The following ARG2 variants were observed in gnomAD, a reference collection of about 807,000 sequenced individuals.
ARG2 encodes arginase 2, also known as arginase-2, mitochondrial.
ARG2 carries 21 observed loss-of-function variants against 39.4 expected under a neutral mutation model. That is an observed-to-expected ratio of 0.53 (90% CI 0.38 to 0.77). The LOEUF is 0.77. ARG2 is among the 30% of genes least tolerant of loss of function. The pLI is 0.00. For missense variants in ARG2, 378 were observed against 426.2 expected (o/e 0.89, Z 1.00); for synonymous variants, 150 against 156.7 (o/e 0.96, Z 0.32).
intron 3 of ARG2, among the ~76,000 whole-genome samples, chr14:67,643,071 G>A (rs1204535027): frequency 6.6e-6 from 1 of 152,140 alleles, no homozygotes; most frequent in East Asian, 1.9e-4. Flanking sequence ...CCAAAGTGCT[G>A]GGATTACAGG....
intron 2 of ARG2, among the ~76,000 whole-genome samples, chr14:67,622,454 C>T (rs887611859): frequency 5.3e-5 from 8 of 152,158 alleles, no homozygotes; most frequent in African/African-American, 1.4e-4. Flanking sequence ...AATATTCGAA[C>T]CTTGTTTATT....
At position 67,621,322 on chromosome 14, in the gene ARG2, C is replaced by T. The variant is rs940460559; in HGVS notation, c.184+356C>T. 5.3e-5 allele frequency among the ~76,000 whole-genome samples: 8 copies of T among 152,118 alleles called. No individual in the cohort carries two copies. In the East Asian group the frequency reaches 5.8e-4, roughly 11 times the overall value. On this transcript the variant is annotated intron_variant, in intron 2 of 7. Transcript: ENST00000261783. ...TGAGATGCTTATGATTTATCAGTCT[C>T]GCCAGTTTTCTGTCTTCAAATTATT...
At chr14:67,648,709 A>G in intron 7 of ARG2, 1 of 152,282 alleles carries the variant, frequency 6.6e-6, no homozygotes, top group East Asian at 1.9e-4. Flanking sequence ...GCTGATGGAA[A>G]GAGTACTAAG....
In ARG2 at chr14:67,651,448, G is replaced by GATA; in HGVS notation, c.*531_*533dup. On this transcript the variant is annotated 3_prime_UTR_variant, in exon 8 of 8. Coordinates refer to ENST00000261783, the MANE Select transcript of ARG2 (RefSeq NM_001172.4). ...CCAGGATGGCGAGCTCCAGTAAGAT[G>GATA]ATAATGGAAAGCAGCAGCTTGTTGG... 1.2e-6 allele frequency: 2 copies of GATA among 1,613,958 alleles called. No individual in the cohort carries two copies. The highest frequency in any genetic ancestry group is 4.5e-5 in the East Asian group (2 of 44,882).
chr14:67,632,706 T>G (rs757363437), intron 2 of ARG2, among the ~76,000 whole-genome samples: 2 of 151,784 alleles, frequency 1.3e-5, no homozygotes, highest in Non-Finnish European at 2.9e-5. Context: ...TTAGTCATTA[T>G]GAAGATTCAC....
At chr14:67,646,028 C>T (rs548805126) in intron 4 of ARG2, among the ~76,000 whole-genome samples, 19 of 152,292 alleles carry the variant, frequency 1.2e-4, no homozygotes, top group South Asian at 6.2e-4. Flanking sequence ...GTAACAATAG[C>T]GACTGATATA....
At chr14:67,636,496 T>C (rs943041578) in intron 2 of ARG2, among the ~76,000 whole-genome samples, 11 of 152,214 alleles carry the variant, frequency 7.2e-5, no homozygotes. Flanking sequence ...TTATTATCCA[T>C]TTCCTGTCTC....
intron 7 of ARG2, chr14:67,648,904 G>A (rs1371428456): frequency 6.6e-6 from 1 of 152,184 alleles, no homozygotes; most frequent in African/African-American, 2.4e-5. Context: ...GGTATAGATA[G>A]AGACCCCAGA....
intron 7 of ARG2, chr14:67,650,267 T>C: frequency 4.7e-6 from 1 of 214,822 alleles, no homozygotes; most frequent in Middle Eastern, 1.9e-3. Flanking sequence ...AGTTCAAAAG[T>C]GGGAATGCAG....
intron 2 of ARG2, among the ~76,000 whole-genome samples, chr14:67,633,326 A>C (rs1176701118): frequency 1.3e-5 from 2 of 151,636 alleles, no homozygotes; most frequent in East Asian, 3.9e-4. Flanking sequence ...TTGTCTGCAG[A>C]ATTTCTCTGT....
intron 3 of ARG2, 137 bp downstream of exon 3, chr14:67,642,500 A>G (rs1174505910): frequency 1.4e-5 from 14 of 1,036,620 alleles, no homozygotes; most frequent in Non-Finnish European, 1.9e-5. Context: ...AATGAACAGC[A>G]AGCATTTAAA....
chr14:67,645,591 C>A (rs570183577), intron 3 of ARG2, 52 bp from the exon 4 acceptor site: 12 of 1,575,324 alleles, frequency 7.6e-6, no homozygotes, highest in Non-Finnish European at 1.0e-5. Flanking sequence ...CGTTTGTTAT[C>A]GGTCATGTTT....
At chr14:67,625,887 T>A (rs959884385) in intron 2 of ARG2, among the ~76,000 whole-genome samples, 2 of 152,106 alleles carry the variant, frequency 1.3e-5, no homozygotes, top group Non-Finnish European at 2.9e-5. Flanking sequence ...AGCAATAGAT[T>A]TAATTAGCCA....
intron 3 of ARG2, among the ~76,000 whole-genome samples, chr14:67,644,615 G>GGT (rs1384325430): frequency 3.3e-5 from 5 of 152,150 alleles, no homozygotes; most frequent in African/African-American, 1.2e-4. Flanking sequence ...TATTTCATCA[G>GGT]GTGTATTCTT....
intron 2 of ARG2, among the ~76,000 whole-genome samples, chr14:67,636,796 G>T (rs1326863832): frequency 6.6e-6 from 1 of 152,178 alleles, no homozygotes; most frequent in Non-Finnish European, 1.5e-5. Context: ...TGAAAAATGA[G>T]ACCCTTTCAC....
At position 67,648,145 on chromosome 14, in the gene ARG2, G is replaced by C; in HGVS notation, c.821G>C (p.Arg274Pro). Residue 274 changes from arginine (R) to proline (P), a missense_variant, in exon 7 of 8, where the codon CGA (arginine) becomes CCA (proline). By Grantham distance (103) the Arg-to-Pro change is moderately radical. Coordinates refer to ENST00000261783, the MANE Select transcript of ARG2 (RefSeq NM_001172.4). ...CCTGTTGTCGGGGGACTAACCTATC[G>C]AGAAGGCATGTATATTGCTGAGGAA... ...GTPVVGGLTY[R>P]EGMYIAEEIH... is the part of the protein sequence containing the mutation. The C allele has an allele frequency of 6.2e-7, 1 of 1,613,992 alleles. No homozygotes were observed. The highest frequency in any genetic ancestry group is 8.5e-7 in the Non-Finnish European group (1 of 1,179,904).
In ARG2 at chr14:67,651,405, T is replaced by G; in HGVS notation, c.*485T>G. The G allele has an allele frequency of 6.2e-7, 1 of 1,613,998 alleles. No homozygotes were observed. The highest frequency in any genetic ancestry group is 8.5e-7 in the Non-Finnish European group (1 of 1,179,872). ...GAAGTTCAATGGCTGCGAAAGAATT[T>G]GTAGTAAACCAGGCCTCCCAGGATG... On this transcript the variant is annotated 3_prime_UTR_variant, in exon 8 of 8. Transcript: ENST00000261783.
chr14:67,629,454 C>A (rs2036897443), intron 2 of ARG2, among the ~76,000 whole-genome samples: 1 of 152,086 alleles, frequency 6.6e-6, no homozygotes, highest in Non-Finnish European at 1.5e-5. Flanking sequence ...CAGCATGATT[C>A]CATTTATATG....
chr14:67,651,545 G>C lies in ARG2; in HGVS notation c.*625G>C. On this transcript the variant is annotated 3_prime_UTR_variant, in exon 8 of 8. Coordinates refer to ENST00000261783, the MANE Select transcript of ARG2 (RefSeq NM_001172.4). Reference sequence around the variant, plus strand: ...GGATAACCTTCCTTCTAAACATTTTGGGGTTAGACCTGGGACCACGGCTGG... The same window carrying C: ...GGATAACCTTCCTTCTAAACATTTTCGGGTTAGACCTGGGACCACGGCTGG... The C allele has an allele frequency of 6.3e-7, 1 of 1,577,580 alleles. No homozygotes were observed. Among genetic ancestry groups the C allele is most frequent in the Non-Finnish European group, 8.6e-7 (1 of 1,159,066 alleles).
Sources: allele counts gnomAD v4.1 joint callset (sites outside exome capture counted in the v4.1 genomes callset), GRCh38; gene constraint gnomAD v4.1.1; transcripts MANE v1.5; gene names NCBI Gene and HGNC (gene_info 2026-07-23, HGNC 2026-07-21).